Variants in IFT88 observed in about 807,000 individuals in gnomAD.
IFT88 encodes intraflagellar transport 88, also known as intraflagellar transport protein 88 homolog.
Under a neutral mutation model 119.5 loss-of-function variants are expected in IFT88, and 74 were observed. The observed-to-expected ratio is 0.62, with a 90% CI of 0.51 to 0.75. The LOEUF is 0.75. Among genes scored for constraint, IFT88 ranks in the 30% least tolerant of loss-of-function variants. The pLI, the probability that IFT88 is intolerant of heterozygous loss-of-function variation, is 0.00. For missense variants in IFT88, 961 were observed against 977.7 expected, an observed-to-expected ratio of 0.98 and a Z score of 0.23; for synonymous variants, 279 against 316.7, an observed-to-expected ratio of 0.88 and a Z score of 1.26.
intron 14 of IFT88, among the ~76,000 whole-genome samples, chr13:20,619,014 G>A (rs981122923): frequency 2.0e-5 from 3 of 151,728 alleles, no homozygotes; most frequent in South Asian, 2.1e-4. Context: ...ACATTGCCAC[G>A]CCCGGCCAAT....
chr13:20,684,429 T>TAG (rs751232852), intron 24 of IFT88, among the ~76,000 whole-genome samples: 3 of 152,288 alleles, frequency 2.0e-5, no homozygotes, highest in East Asian at 1.9e-4. Flanking sequence ...TCTCTTCTGT[T>TAG]AGTTACTTCG....
intron 2 of IFT88, 53 bp from the exon 3 acceptor site, chr13:20,582,904 T>C (rs761330498): frequency 3.7e-5 from 52 of 1,406,598 alleles, no homozygotes; most frequent in Non-Finnish European, 5.1e-5. Flanking sequence ...AAACTTATTT[T>C]TTCCCCCAAT....
At chr13:20,573,636 A>G (rs899346484) in intron 1 of IFT88, among the ~76,000 whole-genome samples, 1 of 152,234 alleles carries the variant, frequency 6.6e-6, no homozygotes, top group East Asian at 1.9e-4. Context: ...CTTTTCTCCC[A>G]AAGTGTATCA....
At chr13:20,656,272 TA>T in intron 21 of IFT88, 92 bp from the exon 22 acceptor site, 1 of 466,560 alleles carries the variant, frequency 2.1e-6, no homozygotes, top group Non-Finnish European at 3.8e-6. Context: ...ATTAAACCAT[TA>T]AATAGCCAGT....
intron 24 of IFT88, among the ~76,000 whole-genome samples, chr13:20,676,569 G>T (rs985646909): frequency 1.1e-4 from 16 of 152,190 alleles, no homozygotes; most frequent in African/African-American, 3.4e-4. Flanking sequence ...ACACAAGAGG[G>T]TCATGTTTAT....
chr13:20,626,043 C>CTTTTTTT (rs528587128), intron 15 of IFT88, among the ~76,000 whole-genome samples, 194 bp downstream of exon 15: 5 of 39,574 alleles, frequency 1.3e-4, no homozygotes, highest in African/African-American at 4.7e-4. Flanking sequence ...TTTGTCGTTT[C>CTTTTTTT]TTTTTTTTTT....
chr13:20,597,771 T>TATATATA (rs377601043), intron 9 of IFT88, among the ~76,000 whole-genome samples: 29 of 142,032 alleles, frequency 2.0e-4, no homozygotes, highest in African/African-American at 3.4e-4. Context: ...ATATATATAT[T>TATATATA]TTTTTTTTGA....
At chr13:20,567,638 T>C (rs2035156800) in intron 1 of IFT88, 2 of 651,584 alleles carry the variant, frequency 3.1e-6, no homozygotes, top group Non-Finnish European at 4.0e-6. Flanking sequence ...ACAGCAGAGA[T>C]GGTGCACATC....
chr13:20,628,620 C>T lies in IFT88; in HGVS notation c.1300-2396C>T, dbSNP rs137953428. Among the ~76,000 whole-genome samples, 1,495 of 152,136 alleles carry T rather than the reference C, an allele frequency of 9.8e-3. 25 individuals carry two copies. The highest frequency in any genetic ancestry group is 0.034 in the African/African-American group (1,403 of 41,502). On this transcript the variant is annotated intron_variant, in intron 15 of 25. Coordinates refer to ENST00000351808, the MANE Select transcript of IFT88 (RefSeq NM_006531.5). ...GAACAGTTATGAAAACAGCCTATTT[C>T]AAAACAAAAACTTGAGCGAAAAAAT...
chr13:20,584,843 C>CA (rs1435769968), intron 3 of IFT88, among the ~76,000 whole-genome samples: 1 of 152,188 alleles, frequency 6.6e-6, no homozygotes, highest in Non-Finnish European at 1.5e-5. Context: ...TGTGCCCCCC[C>CA]ACCAGGGACA....
intron 16 of IFT88, among the ~76,000 whole-genome samples, chr13:20,633,199 G>A (rs1472093835): frequency 6.6e-6 from 1 of 152,186 alleles, no homozygotes; most frequent in East Asian, 1.9e-4. Flanking sequence ...AACCGAGACT[G>A]GGTAATTTAT....
At chr13:20,663,291 GGA>G (rs1466112824) in intron 22 of IFT88, 2 of 1,487,720 alleles carry the variant, frequency 1.3e-6, no homozygotes, top group African/African-American at 2.8e-5. Context: ...CAGGACACAT[GGA>G]GAGAGACCCT....
At chr13:20,598,276 A>T (rs1183590609) in intron 9 of IFT88, among the ~76,000 whole-genome samples, 1 of 152,174 alleles carries the variant, frequency 6.6e-6, no homozygotes, top group Non-Finnish European at 1.5e-5. Context: ...TTCTTCTGAT[A>T]GACTTTAAGG....
chr13:20,584,298 CT>C (rs1352471031), intron 3 of IFT88, among the ~76,000 whole-genome samples: 1 of 151,850 alleles, frequency 6.6e-6, no homozygotes, highest in Non-Finnish European at 1.5e-5. Context: ...TTGTTTATGT[CT>C]TCTTTAATTC....
At chr13:20,569,587 T>A (rs929462756) in intron 1 of IFT88, among the ~76,000 whole-genome samples, 12 of 35,430 alleles carry the variant, frequency 3.4e-4, no homozygotes, top group African/African-American at 5.3e-4. Context: ...AAAAAAAAAA[T>A]TTTTTTAAAC....
chr13:20,576,933 G>A (rs527292087), intron 2 of IFT88, among the ~76,000 whole-genome samples: 7 of 152,130 alleles, frequency 4.6e-5, no homozygotes, highest in East Asian at 3.9e-4. Flanking sequence ...GTGTTGCACC[G>A]AATCTGTAGA....
rs912820736 is a variant in IFT88 at position 20,669,704 on chromosome 13, G to A, written c.2176-1269G>A. ...CTCCCAAAGTGCTAGGATTACAGGC[G>A]TGAGCCACCACACCGGGCCTATTTT... On this transcript the variant is annotated intron_variant, in intron 23 of 25. Transcript: ENST00000351808. 5.3e-5 allele frequency among the ~76,000 whole-genome samples: 8 copies of A among 152,226 alleles called. No individual in the cohort carries two copies. The East Asian group carries it at 7.7e-4, about 15-fold the overall frequency.
intron 24 of IFT88, among the ~76,000 whole-genome samples, chr13:20,688,271 C>A (rs1284874847): frequency 6.6e-6 from 1 of 152,138 alleles, no homozygotes; most frequent in Non-Finnish European, 1.5e-5. Context: ...CGATTGAACC[C>A]GGGAGGTGGA....
chr13:20,572,283 A>C, intron 1 of IFT88, among the ~76,000 whole-genome samples: 1 of 151,798 alleles, frequency 6.6e-6, no homozygotes, highest in East Asian at 1.9e-4. Context: ...CAGTGGCATG[A>C]TCTCAGCTCA....
Sources: gnomAD v4.1 joint callset for allele counts (sites outside exome capture counted in the v4.1 genomes callset) on GRCh38, gnomAD v4.1.1 for gene constraint, MANE v1.5 for transcripts, NCBI Gene and HGNC (gene_info 2026-07-23, HGNC 2026-07-21) for gene names.